OPCML: variants seen among roughly 807,000 people sequenced by gnomAD.
The protein encoded by OPCML is opioid-binding protein/cell adhesion molecule.
In OPCML, 13 loss-of-function variants were observed where a neutral mutation model predicts 37.8. That is an observed-to-expected ratio of 0.34 (90% CI 0.22 to 0.55). The LOEUF (loss-of-function observed/expected upper bound fraction) is 0.55. OPCML is among the 20% of genes least tolerant of loss of function. The pLI is 0.91. For missense variants in OPCML, 341 were observed against 435.6 expected (o/e 0.78, Z 1.93); for synonymous variants, 176 against 168.8 (o/e 1.04, Z -0.33).
At position 133,440,731 on chromosome 11, in the gene OPCML, A is replaced by G. The variant is rs58167555; in HGVS notation, c.61+91533T>C. On this transcript the variant is annotated intron_variant, in intron 1 of 7. Transcript: ENST00000524381. The stretch of plus-strand genomic sequence containing the variant: ...ACAAGAACGAAACTCCCTCTCAGGG[A>G]AAAAAAAAAAAAAACAGAAACCTAC... 2.7e-3 allele frequency among the ~76,000 whole-genome samples: 208 copies of G among 77,584 alleles called. 1 individual carries two copies. Among genetic ancestry groups the G allele is most frequent in the African/African-American group, 0.019 (154 of 8,236 alleles). 50.9% of individuals were successfully genotyped at this position (77,584 alleles called of 152,430 possible).
chr11:132,638,526 G>A (rs756507295), intron 3 of OPCML, among the ~76,000 whole-genome samples: 2 of 152,180 alleles, frequency 1.3e-5, no homozygotes, highest in Non-Finnish European at 2.9e-5. Flanking sequence ...AGATATGGGT[G>A]TGGTTAAAAG....
chr11:133,312,020 A>T (rs1356733892), intron 1 of OPCML, among the ~76,000 whole-genome samples: 2 of 152,164 alleles, frequency 1.3e-5, no homozygotes, highest in Non-Finnish European at 2.9e-5. Flanking sequence ...TGTCAAGCTG[A>T]GCTGGCAAAT....
chr11:132,472,619 C>A (rs983658041), intron 4 of OPCML, among the ~76,000 whole-genome samples: 1 of 152,202 alleles, frequency 6.6e-6, no homozygotes, highest in Non-Finnish European at 1.5e-5. Context: ...TCCATGGTAA[C>A]TGGGTCACAG....
chr11:132,955,181 G>A lies in OPCML; in HGVS notation c.62-12171C>T, dbSNP rs114369368. Among the ~76,000 whole-genome samples the A allele has an allele frequency of 7.9e-3, 1,208 of 152,188 alleles. 19 individuals are homozygous for A. The highest frequency in any genetic ancestry group is 0.028 in the African/African-American group (1,150 of 41,520). On this transcript the variant is annotated intron_variant, in intron 1 of 7. Coordinates refer to ENST00000524381, the MANE Select transcript of OPCML (RefSeq NM_001012393.5). Reference sequence around the variant, plus strand: ...ATGGGGATCTGGGGGAGGTTGGCACGGTTTTGTCTTATTTCATCTTCAGCA... The same window carrying A: ...ATGGGGATCTGGGGGAGGTTGGCACAGTTTTGTCTTATTTCATCTTCAGCA...
intron 1 of OPCML, among the ~76,000 whole-genome samples, chr11:132,997,164 T>A (rs916749094): frequency 1.3e-5 from 2 of 152,204 alleles, no homozygotes; most frequent in Non-Finnish European, 2.9e-5. Flanking sequence ...CCCCAGGACC[T>A]GGGAGATAGC....
chr11:132,968,423 G>T (rs905938512), intron 1 of OPCML, among the ~76,000 whole-genome samples: 19 of 152,162 alleles, frequency 1.2e-4, no homozygotes, highest in South Asian at 4.1e-4. Flanking sequence ...ATGGAAAGGG[G>T]CCTGAGCATG....
At chr11:133,038,190 G>A (rs4592431) in intron 1 of OPCML, among the ~76,000 whole-genome samples, 71,015 of 152,080 alleles carry the variant, frequency 0.47, 17,046 homozygotes, top group African/African-American at 0.58. Context: ...AGCCCTGGGC[G>A]CTGGCCCTGT....
At chr11:133,018,500 T>C (rs187534177) in intron 1 of OPCML, among the ~76,000 whole-genome samples, 1 of 152,240 alleles carries the variant, frequency 6.6e-6, no homozygotes, top group Admixed American at 6.5e-5. Flanking sequence ...CTCTCCAAAA[T>C]GCACATCAAT....
intron 1 of OPCML, chr11:133,298,862 C>T (rs1163774256): frequency 6.6e-6 from 1 of 152,016 alleles, no homozygotes; most frequent in African/African-American, 2.4e-5. Flanking sequence ...TAATAAATGT[C>T]ATAAAACAAG....
At chr11:132,602,031 C>T (rs139204211) in intron 3 of OPCML, among the ~76,000 whole-genome samples, 81 of 152,242 alleles carry the variant, frequency 5.3e-4, no homozygotes, top group African/African-American at 1.9e-3. Flanking sequence ...CACAGACTGC[C>T]ACTCACAACC....
intron 3 of OPCML, among the ~76,000 whole-genome samples, chr11:132,655,592 C>T (rs186094445): frequency 9.8e-5 from 15 of 152,304 alleles, no homozygotes; most frequent in Non-Finnish European, 1.5e-4. Flanking sequence ...CCTGAAAGCA[C>T]GCGAGGAGGG....
chr11:132,680,317 G>A (rs1353515082), intron 2 of OPCML, among the ~76,000 whole-genome samples: 7 of 152,100 alleles, frequency 4.6e-5, no homozygotes, highest in Admixed American at 3.3e-4. Context: ...TTCAGTAGTG[G>A]TCTTCTCTGA....
At chr11:133,270,259 A>G (rs773390614) in intron 1 of OPCML, among the ~76,000 whole-genome samples, 1 of 152,200 alleles carries the variant, frequency 6.6e-6, no homozygotes, top group Non-Finnish European at 1.5e-5. Flanking sequence ...TTCTTGATAC[A>G]CTGCAAAATT....
intron 1 of OPCML, among the ~76,000 whole-genome samples, chr11:133,129,573 C>T (rs184545838): frequency 6.6e-6 from 1 of 152,228 alleles, no homozygotes; most frequent in East Asian, 1.9e-4. Context: ...TACAATTCCC[C>T]ATGCCTGGCA....
At chr11:132,454,625 A>G (rs976546834) in intron 4 of OPCML, among the ~76,000 whole-genome samples, 13 of 152,202 alleles carry the variant, frequency 8.5e-5, no homozygotes, top group African/African-American at 3.1e-4. Context: ...CTTCGGGAAC[A>G]TGGCAGCAGC....
chr11:133,258,298 G>T (rs553191916), intron 1 of OPCML, among the ~76,000 whole-genome samples: 1 of 152,266 alleles, frequency 6.6e-6, no homozygotes, highest in East Asian at 1.9e-4. Flanking sequence ...CTGTGAATAG[G>T]GGATGTCAGG....
At chr11:133,098,000 C>G (rs996176314) in intron 1 of OPCML, among the ~76,000 whole-genome samples, 4 of 152,268 alleles carry the variant, frequency 2.6e-5, no homozygotes, top group Admixed American at 6.5e-5. Context: ...GGAAATAACT[C>G]TTAATACTTC....
chr11:133,232,723 A>G (rs1940332036), intron 1 of OPCML, among the ~76,000 whole-genome samples: 1 of 152,196 alleles, frequency 6.6e-6, no homozygotes, highest in Admixed American at 6.5e-5. Context: ...GATTATTTTG[A>G]GCATCACAAC....
rs183271206 is a variant in OPCML, at chr11:133,319,946, G to A, written c.61+212318C>T. Among the ~76,000 whole-genome samples the A allele has an allele frequency of 1.8e-3, 278 of 152,338 alleles. 1 individual carries two copies. Among genetic ancestry groups the A allele is most frequent in the African/African-American group, 6.5e-3 (269 of 41,574 alleles). On this transcript the variant is annotated intron_variant, in intron 1 of 7. Transcript: ENST00000524381. Reference sequence around the variant, plus strand: ...TCCAAGGCATATGCATCAGGTTGGTGTGGGACCACACTCTTAAACCTTCAA... The same window carrying A: ...TCCAAGGCATATGCATCAGGTTGGTATGGGACCACACTCTTAAACCTTCAA...
Sources: allele counts gnomAD v4.1 joint callset (sites outside exome capture counted in the v4.1 genomes callset), GRCh38; gene constraint gnomAD v4.1.1; transcripts MANE v1.5; gene names NCBI Gene and HGNC (gene_info 2026-07-23, HGNC 2026-07-21).